Variants in LRRC7 observed in about 807,000 individuals in gnomAD.
LRRC7 encodes leucine-rich repeat-containing protein 7.
LRRC7 carries 23 observed loss-of-function variants against 175.7 expected under a neutral mutation model. The observed-to-expected ratio is 0.13, with a 90% confidence interval of 0.09 to 0.19. The LOEUF (loss-of-function observed/expected upper bound fraction) is 0.19, where lower values mean the gene tolerates loss of function less well. Ranked by LOEUF, LRRC7 falls within the 10% of genes least tolerant of loss-of-function variation. The probability of loss-of-function intolerance (pLI) is 1.00; values close to 1 mark genes in which losing one functional copy is unlikely to be tolerated. For missense variants in LRRC7, 1,354 were observed against 1,904.7 expected (o/e 0.71, Z 5.38); for synonymous variants, 685 against 680.9 (o/e 1.01, Z -0.09).
At chr1:69,953,549 T>C (rs1428421665) in intron 8 of LRRC7, among the ~76,000 whole-genome samples, 1 of 152,066 alleles carries the variant, frequency 6.6e-6, no homozygotes, top group East Asian at 1.9e-4. Flanking sequence ...TTCTAACCTT[T>C]GGGAACCCAC....
chr1:69,929,031 A>T (rs1647185326), intron 7 of LRRC7, among the ~76,000 whole-genome samples: 1 of 152,112 alleles, frequency 6.6e-6, no homozygotes, highest in African/African-American at 2.4e-5. Flanking sequence ...GTCCCTAGTC[A>T]CTTTTCAGTT....
chr1:69,700,677 G>GAAGA (rs1403616214), intron 2 of LRRC7, among the ~76,000 whole-genome samples: 1 of 152,210 alleles, frequency 6.6e-6, no homozygotes, highest in African/African-American at 2.4e-5. Flanking sequence ...AGGGGGAAGA[G>GAAGA]AAGACCAAGA....
At chr1:69,573,731 T>G (rs1431332652) in intron 1 of LRRC7, among the ~76,000 whole-genome samples, 3 of 152,184 alleles carry the variant, frequency 2.0e-5, no homozygotes, top group African/African-American at 7.2e-5. Flanking sequence ...CCCAAAGGAT[T>G]TCCTGTGTAC....
At chr1:69,782,185 A>G (rs2101030385) in intron 3 of LRRC7, among the ~76,000 whole-genome samples, 1 of 152,318 alleles carries the variant, frequency 6.6e-6, no homozygotes, top group Non-Finnish European at 1.5e-5. Flanking sequence ...GGCACACACA[A>G]AAATGGTGAC....
intron 8 of LRRC7, among the ~76,000 whole-genome samples, chr1:69,938,096 G>GA (rs1469687514): frequency 1.5e-4 from 23 of 151,940 alleles, no homozygotes; most frequent in African/African-American, 4.1e-4. Context: ...TAAAGAGCAA[G>GA]AAAAGTTATT....
intron 2 of LRRC7, among the ~76,000 whole-genome samples, chr1:69,725,823 C>T (rs1447226490): frequency 6.6e-6 from 1 of 152,182 alleles, no homozygotes; most frequent in Non-Finnish European, 1.5e-5. Flanking sequence ...TGGGGAGCCC[C>T]ACATGACCCA....
intron 24 of LRRC7, among the ~76,000 whole-genome samples, chr1:70,086,504 C>T (rs1461676896): frequency 1.3e-5 from 2 of 152,042 alleles, no homozygotes; most frequent in Non-Finnish European, 2.9e-5. Context: ...CTGAGTCTGG[C>T]GTGGTGGCTC....
chr1:70,053,559 G>A (rs1262052248), intron 23 of LRRC7, among the ~76,000 whole-genome samples: 1 of 152,070 alleles, frequency 6.6e-6, no homozygotes, highest in East Asian at 1.9e-4. Context: ...ACAACTATAT[G>A]TACATTGCTA....
At chr1:70,081,700 A>G (rs1663224038) in intron 24 of LRRC7, among the ~76,000 whole-genome samples, 1 of 152,192 alleles carries the variant, frequency 6.6e-6, no homozygotes, top group Non-Finnish European at 1.5e-5. Context: ...GAGTAAATTC[A>G]TATTGGAAGA....
chr1:69,838,665 A>G (rs1310996160), intron 7 of LRRC7, among the ~76,000 whole-genome samples: 1 of 151,942 alleles, frequency 6.6e-6, no homozygotes, highest in Admixed American at 6.6e-5. Flanking sequence ...TGTATCTTTC[A>G]GTTTTTACAT....
Position 70,144,042 on chromosome 1 carries a change from A to T in LRRC7, c.*22155A>T, listed in dbSNP as rs1667200499. ...AAGCTGCTTCATTTTATGTGCAAAG[A>T]AGTCCTATGAATCTATATTTTAAAT... On this transcript the variant is annotated 3_prime_UTR_variant, in exon 27 of 27. Coordinates refer to ENST00000651989, the MANE Select transcript of LRRC7 (RefSeq NM_001370785.2). 6.6e-6 allele frequency: 1 copy of T among 152,218 alleles called. No individual in the cohort carries two copies. The highest frequency in any genetic ancestry group is 1.5e-5 in the Non-Finnish European group (1 of 68,040). The allele number at this position is 152,218 out of a possible 1,614,324, so 9.4% of individuals were successfully genotyped here. A position where few individuals can be genotyped will look rare whatever the true frequency, so the allele number is the denominator to read the frequency against.
Position 69,933,633 on chromosome 1 carries a change from A to C in LRRC7, c.711+2063A>C, listed in dbSNP as rs144376515. On this transcript the variant is annotated intron_variant, in intron 8 of 26. Transcript: ENST00000651989. ...AGGCTTTTTGAGAGAATTTCATGCA[A>C]GATAATCTACAACAAATATTCAGTA... Among the ~76,000 whole-genome samples, 13 of 152,306 alleles carry C rather than the reference A, an allele frequency of 8.5e-5. No homozygotes were observed. In the East Asian group the frequency reaches 2.5e-3, roughly 29 times the overall value.
intron 1 of LRRC7, among the ~76,000 whole-genome samples, chr1:69,654,326 A>G (rs1284497670): frequency 6.6e-6 from 1 of 152,118 alleles, no homozygotes; most frequent in Non-Finnish European, 1.5e-5. Flanking sequence ...AATGGAAACT[A>G]TACGTATAAA....
chr1:69,732,515 A>G (rs1192200625), intron 2 of LRRC7, among the ~76,000 whole-genome samples: 1 of 152,068 alleles, frequency 6.6e-6, no homozygotes, highest in African/African-American at 2.4e-5. Flanking sequence ...GCAATTATTT[A>G]AAGGCCAGTA....
In LRRC7 at chr1:69,663,771, G is replaced by A. The variant is rs956175498; in HGVS notation, c.3-14610G>A. 1.1e-4 allele frequency among the ~76,000 whole-genome samples: 13 copies of A among 123,356 alleles called. No individual in the cohort carries two copies. The South Asian group carries it at 1.9e-3, about 18-fold the overall frequency. 80.9% of individuals were successfully genotyped at this position (123,356 alleles called of 152,430 possible). ...GCTCTGTCGCCCAGGCCGGACTGCC[G>A]ACTGCAGTGGCGCAATCTCAGCTCA... On this transcript the variant is annotated intron_variant, in intron 1 of 26. Coordinates refer to ENST00000651989, the MANE Select transcript of LRRC7 (RefSeq NM_001370785.2).
intron 24 of LRRC7, among the ~76,000 whole-genome samples, chr1:70,089,006 C>T (rs114633234): frequency 7.2e-5 from 11 of 152,044 alleles, no homozygotes; most frequent in Non-Finnish European, 1.2e-4. Context: ...CCTTGTGTTG[C>T]GTATTGGCCA....
chr1:69,783,422 G>T (rs1674007314), intron 3 of LRRC7, among the ~76,000 whole-genome samples: 1 of 152,086 alleles, frequency 6.6e-6, no homozygotes, highest in Non-Finnish European at 1.5e-5. Flanking sequence ...ATACAAAAAG[G>T]TTGTCTTGCA....
intron 8 of LRRC7, among the ~76,000 whole-genome samples, chr1:69,948,594 G>A (rs139603383): frequency 6.6e-6 from 1 of 152,218 alleles, no homozygotes; most frequent in African/African-American, 2.4e-5. Context: ...AATGTGGGTG[G>A]CAGTAGGGGG....
At chr1:69,840,673 A>G (rs527865176) in intron 7 of LRRC7, among the ~76,000 whole-genome samples, 6 of 152,214 alleles carry the variant, frequency 3.9e-5, no homozygotes, top group Admixed American at 1.3e-4. Context: ...AATTAGTATT[A>G]TAAGTTTCCT....
Sources: allele counts gnomAD v4.1 joint callset (sites outside exome capture counted in the v4.1 genomes callset), GRCh38; gene constraint gnomAD v4.1.1; transcripts MANE v1.5; gene names NCBI Gene and HGNC (gene_info 2026-07-23, HGNC 2026-07-21).